CAP2: variants seen among roughly 807,000 people sequenced by gnomAD.
The protein encoded by CAP2 is cyclase associated actin cytoskeleton regulatory protein 2, also known as adenylyl cyclase-associated protein 2.
Under a neutral mutation model 57.7 loss-of-function variants are expected in CAP2, and 24 were observed. That is an observed-to-expected ratio of 0.42 (90% CI 0.30 to 0.58). The LOEUF is 0.58. CAP2 is among the 20% of genes least tolerant of loss of function. CAP2 has a pLI of 0.22. For synonymous variants in CAP2, 194 were observed against 207.2 expected (o/e 0.94, Z 0.55); for missense variants, 501 against 590.3 (o/e 0.85, Z 1.57).
chr6:17,462,113 A>G (rs1760746795), intron 3 of CAP2, among the ~76,000 whole-genome samples: 1 of 151,756 alleles, frequency 6.6e-6, no homozygotes, highest in Non-Finnish European at 1.5e-5. Context: ...GTAAGAGAAT[A>G]TGTGTTTGAG....
chr6:17,477,871 G>T (rs888115644), intron 4 of CAP2, among the ~76,000 whole-genome samples: 8 of 151,750 alleles, frequency 5.3e-5, no homozygotes, highest in African/African-American at 1.9e-4. Flanking sequence ...TCTTCTTAAT[G>T]ATTACAATTT....
chr6:17,554,548 G>A (rs552947669), intron 12 of CAP2, among the ~76,000 whole-genome samples: 4 of 152,356 alleles, frequency 2.6e-5, no homozygotes, highest in East Asian at 1.9e-4. Context: ...GTCAGCCACC[G>A]TGCCTGGCCC....
chr6:17,475,646 A>T (rs753285346), intron 4 of CAP2, among the ~76,000 whole-genome samples: 2 of 152,222 alleles, frequency 1.3e-5, no homozygotes, highest in Non-Finnish European at 2.9e-5. Flanking sequence ...TCTGGGAAGA[A>T]TGTGCTGATT....
intron 7 of CAP2, among the ~76,000 whole-genome samples, chr6:17,516,887 T>A (rs571092631): frequency 2.6e-5 from 4 of 152,254 alleles, no homozygotes; most frequent in African/African-American, 9.6e-5. Flanking sequence ...CTACTTCGCC[T>A]ATTTTCTCCA....
At chr6:17,401,546 G>A (rs1290910665) in intron 1 of CAP2, among the ~76,000 whole-genome samples, 1 of 152,104 alleles carries the variant, frequency 6.6e-6, no homozygotes, top group Non-Finnish European at 1.5e-5. Context: ...CCAGTGGCAG[G>A]AAAACCAAAT....
Position 17,439,292 on chromosome 6 carries a change from T to A in CAP2, c.222+12602T>A, listed in dbSNP as rs1760001336. Among the ~76,000 whole-genome samples the A allele has an allele frequency of 2.7e-5, 4 of 150,006 alleles. No individual in the cohort carries two copies. The South Asian group carries it at 8.4e-4, about 31-fold the overall frequency. On this transcript the variant is annotated intron_variant, in intron 3 of 12. Coordinates refer to ENST00000229922, the MANE Select transcript of CAP2 (RefSeq NM_006366.3). ...TCCAGATAGGTTCCTGCAGTTCCCA[T>A]CACTATCATTAATCAGTCCATTTCC...
rs1175624468 is a variant in CAP2, at chr6:17,513,830, A to G, written c.531-19A>G. 7 of 1,539,762 alleles carry G rather than the reference A, an allele frequency of 4.5e-6. No homozygotes were observed. The highest frequency in any genetic ancestry group is 1.1e-5 in the South Asian group (1 of 89,638). ...TTAGATCCTAACTCTGCTTTCTTCA[A>G]CCCTCTTTCACAACAAAGTGATTTG... On this transcript the variant is annotated intron_variant, in intron 6 of 12. Transcript: ENST00000229922. The surrounding 1 kb of genome is among the most constrained non-coding windows in gnomAD (Gnocchi z 4.3).
chr6:17,450,200 C>T (rs562714443), intron 3 of CAP2, among the ~76,000 whole-genome samples: 1 of 152,054 alleles, frequency 6.6e-6, no homozygotes, highest in African/African-American at 2.4e-5. Context: ...TACAGGCGCC[C>T]ACCACCACAG....
intron 2 of CAP2, among the ~76,000 whole-genome samples, chr6:17,423,366 G>C (rs532805685): frequency 1.3e-5 from 2 of 152,054 alleles, no homozygotes; most frequent in African/African-American, 4.8e-5. Flanking sequence ...GTTTTTTTCC[G>C]CACCAACTGA....
chr6:17,531,795 T>G (rs767509573), intron 7 of CAP2: 3 of 571,762 alleles, frequency 5.2e-6, no homozygotes, highest in Non-Finnish European at 9.3e-6. Flanking sequence ...TAAAGATACC[T>G]GCAAATCACC....
At chr6:17,455,291 A>T (rs1225681785) in intron 3 of CAP2, among the ~76,000 whole-genome samples, 2 of 152,102 alleles carry the variant, frequency 1.3e-5, no homozygotes, top group Non-Finnish European at 2.9e-5. Context: ...AGGAAAAAAA[A>T]AAAATGCCTC....
chr6:17,414,333 T>G (rs1333254281), intron 1 of CAP2, among the ~76,000 whole-genome samples: 1 of 152,114 alleles, frequency 6.6e-6, no homozygotes, highest in Non-Finnish European at 1.5e-5. Context: ...ACATGCAGGT[T>G]CGTTACATAG....
intron 4 of CAP2, among the ~76,000 whole-genome samples, chr6:17,500,362 TATATATA>T (rs1761782062): frequency 1.0e-5 from 1 of 98,756 alleles, no homozygotes; most frequent in South Asian, 3.0e-4. Flanking sequence ...TATATATATA[TATATATA>T]TATATATATA....
Position 17,525,652 on chromosome 6 carries a change from T to C in CAP2, c.636+11698T>C, listed in dbSNP as rs367894478. On this transcript the variant is annotated intron_variant, in intron 7 of 12. Transcript: ENST00000229922. ...AGTTATTTTCTCATTCAGTAACATGTTTATGAAGCACTTAACCATGTTTCA... is the reference window on the plus strand; with the variant it reads ...AGTTATTTTCTCATTCAGTAACATGCTTATGAAGCACTTAACCATGTTTCA... 3.3e-5 allele frequency among the ~76,000 whole-genome samples: 5 copies of C among 152,300 alleles called. No individual in the cohort carries two copies. In the East Asian group the frequency reaches 7.7e-4, roughly 23 times the overall value.
At chr6:17,551,266 C>A (rs1763165651) in intron 11 of CAP2, among the ~76,000 whole-genome samples, 198 bp from the exon 12 acceptor site, 1 of 152,174 alleles carries the variant, frequency 6.6e-6, no homozygotes. Flanking sequence ...GTGGTCTTTT[C>A]ATTCTGTCCC....
At chr6:17,532,172 A>C in intron 7 of CAP2, among the ~76,000 whole-genome samples, 1 of 115,230 alleles carries the variant, frequency 8.7e-6, no homozygotes, top group South Asian at 2.6e-4. Flanking sequence ...GCAGAGTCTC[A>C]CTCTATCCCC....
At chr6:17,435,096 G>T (rs1454403670) in intron 3 of CAP2, among the ~76,000 whole-genome samples, 1 of 116,874 alleles carries the variant, frequency 8.6e-6, no homozygotes, top group Non-Finnish European at 1.8e-5. Flanking sequence ...CTGTAAACTA[G>T]TTCAACCATT....
At chr6:17,499,175 G>T (rs1193172865) in intron 4 of CAP2, among the ~76,000 whole-genome samples, 1 of 150,938 alleles carries the variant, frequency 6.6e-6, no homozygotes, top group Admixed American at 6.6e-5. Flanking sequence ...GAACCGGGCA[G>T]ATCATTTGAG....
At chr6:17,437,106 T>G (rs1759914289) in intron 3 of CAP2, among the ~76,000 whole-genome samples, 1 of 152,168 alleles carries the variant, frequency 6.6e-6, no homozygotes, top group Non-Finnish European at 1.5e-5. Flanking sequence ...GTGAGTTGTA[T>G]AATTATTTCA....
Sources: gnomAD v4.1 joint callset for allele counts (sites outside exome capture counted in the v4.1 genomes callset) on GRCh38, gnomAD v4.1.1 for gene constraint, Gnocchi (gnomAD v3.1) non-coding constraint, MANE v1.5 for transcripts, NCBI Gene and HGNC (gene_info 2026-07-23, HGNC 2026-07-21) for gene names.